PSG7: variants seen among roughly 807,000 people sequenced by gnomAD.
PSG7 encodes the protein pregnancy specific beta-1-glycoprotein 7, also known as pregnancy-specific beta-1-glycoprotein 7.
PSG7 carries 57 observed loss-of-function variants against 45.6 expected under a neutral mutation model. The ratio of observed to expected loss-of-function variants is 1.25; its 90% CI spans 1.01 to 1.56. The LOEUF is 1.56. PSG7 is among the 40% of genes most tolerant of loss of function. The pLI is 0.00. For synonymous variants in PSG7, 298 were observed against 194.4 expected (o/e 1.53, Z -4.43); for missense variants, 796 against 508.4 (o/e 1.57, Z -5.44).
At position 42,926,622 on chromosome 19, in the gene PSG7, G is replaced by T; in HGVS notation, c.804C>A (p.Asn268Lys). The change falls in exon 4 of 6, where the codon AAC becomes AAA. Residue 268 changes from asparagine to lysine, a missense_variant. Transcript: ENST00000406070. ...STFTCEPKSE[N>K]YTYIWWLNGQ... The stretch of plus-strand genomic sequence containing the variant: ...CATTTAGCCACCAAATGTAGGTGTA[G>T]TTCTCACTCTTAGGTTCACAGGTGA... The T allele has an allele frequency of 6.2e-7, 1 of 1,610,302 alleles. No homozygotes were observed. The highest frequency in any genetic ancestry group is 8.5e-7 in the Non-Finnish European group (1 of 1,179,050).
At chr19:42,924,865 T>C (rs935237925) in intron 5 of PSG7, 41 bp from the exon 6 acceptor site, 8 of 764,342 alleles carry the variant, frequency 1.0e-5, no homozygotes, top group Non-Finnish European at 1.7e-5. Flanking sequence ...TGAACAGAGC[T>C]GCAATCTCAT....
chr19:42,926,137 A>G, intron 4 of PSG7, 110 bp from the exon 5 acceptor site: 1 of 1,504,966 alleles, frequency 6.6e-7, no homozygotes, highest in Non-Finnish European at 9.0e-7. Flanking sequence ...CCCTCAAGTG[A>G]CAGCCAAATC....
intron 2 of PSG7, among the ~76,000 whole-genome samples, chr19:42,932,170 C>T (rs1243514142): frequency 6.6e-6 from 1 of 151,176 alleles, no homozygotes; most frequent in Non-Finnish European, 1.5e-5. Flanking sequence ...ACTACAGGTG[C>T]CCACCACCAC....
Position 42,935,516 on chromosome 19 carries a change from G to A in PSG7, c.318C>T (p.Ser106=). ...CCTGGGTGACATTCTGGATCAGCAG[G>A]GATGCATTGGAATATACTGTTTCTC... ...SGRETVYSNA[S]LLIQNVTQED... Residue 106 remains serine, a synonymous_variant, in exon 2 of 6, where the codon TCC becomes TCT. Coordinates refer to ENST00000406070, the MANE Select transcript of PSG7 (RefSeq NM_002783.3). The A allele has an allele frequency of 1.2e-6, 2 of 1,612,102 alleles. No individual in the cohort carries two copies. Among genetic ancestry groups the A allele is most frequent in the Non-Finnish European group, 1.7e-6 (2 of 1,179,032 alleles).
At chr19:42,925,446 C>A in intron 5 of PSG7, 1 of 613,810 alleles carries the variant, frequency 1.6e-6, no homozygotes. Context: ...GACAAATTTC[C>A]ATAAATCTAG....
Position 42,929,563 on chromosome 19 carries a change from A to T in PSG7, c.588T>A (p.Ser196=). The T allele has an allele frequency of 6.2e-7, 1 of 1,612,632 alleles. No individual in the cohort carries two copies. Reference sequence around the variant, plus strand: ...ATAGGTAGAGGGTCCTGTTGGTTTCAGACAGCTGCAAGCTGTGAGTCATAG... The same window carrying T: ...ATAGGTAGAGGGTCCTGTTGGTTTCTGACAGCTGCAAGCTGTGAGTCATAG... The part of the protein sequence containing the change: ...SLPMTHSLQL[S]ETNRTLYLFG... The change falls in exon 3 of 6, where the codon TCT becomes TCA. Residue 196 remains serine, a synonymous_variant. Transcript: ENST00000406070.
In PSG7 at chr19:42,937,094, T is replaced by C. The variant is rs747508663; in HGVS notation, c.-18A>G. On this transcript the variant is annotated 5_prime_UTR_variant, in exon 1 of 6. Transcript: ENST00000406070. ...GGCCCCATGGTCTCTGCTCCCTGCG[T>C]GTTCTCCTCTGTGGAGATGAGCCTA... 3 of 1,609,112 alleles carry C rather than the reference T, an allele frequency of 1.9e-6. 1 individual carries two copies. The highest frequency in any genetic ancestry group is 2.5e-6 in the Non-Finnish European group (3 of 1,176,940).
intron 3 of PSG7, among the ~76,000 whole-genome samples, chr19:42,928,048 AGGT>A (rs1972934092): frequency 1.3e-5 from 2 of 151,536 alleles, no homozygotes; most frequent in Admixed American, 6.6e-5. Context: ...CATAAGTGGG[AGGT>A]GATAAGCCAA....
At chr19:42,925,544 C>A (rs191126445) in intron 5 of PSG7, 6 of 1,124,832 alleles carry the variant, frequency 5.3e-6, no homozygotes, top group Non-Finnish European at 7.3e-6. Flanking sequence ...TCAATGAAAT[C>A]AATGTTTTTC....
intron 2 of PSG7, among the ~76,000 whole-genome samples, chr19:42,933,358 G>C (rs183757047): frequency 8.6e-6 from 1 of 116,176 alleles, no homozygotes; most frequent in East Asian, 2.7e-4. Flanking sequence ...AGAAGAACTT[G>C]TCTGGCAATT....
At chr19:42,928,415 A>T (rs979211630) in intron 3 of PSG7, among the ~76,000 whole-genome samples, 1 of 151,630 alleles carries the variant, frequency 6.6e-6, no homozygotes, top group Non-Finnish European at 1.5e-5. Context: ...CAATCCATGA[A>T]AATGAAATGT....
At position 42,924,551 on chromosome 19, in the gene PSG7, T is replaced by G. The variant is rs1972484599; in HGVS notation, c.*257A>C. The G allele has an allele frequency of 1.7e-6, 1 of 602,474 alleles. No individual in the cohort carries two copies. The highest frequency in any genetic ancestry group is 2.7e-5 in the East Asian group (1 of 36,484). 37.3% of individuals were successfully genotyped at this position (602,474 alleles called of 1,614,324 possible). A position where few individuals can be genotyped will look rare whatever the true frequency, so the allele number is the denominator to read the frequency against. ...GAGAGCCTCATCATGATGGGGAGTC[T>G]TATTCTGACATCTTGGGAAAAGCTG... On this transcript the variant is annotated 3_prime_UTR_variant, in exon 6 of 6. Transcript: ENST00000406070.
chr19:42,924,856 G>T, intron 5 of PSG7, 32 bp from the exon 6 acceptor site: 1 of 764,092 alleles, frequency 1.3e-6, no homozygotes, highest in Non-Finnish European at 2.4e-6. Context: ...CAGAAACAAT[G>T]AACAGAGCTG....
intron 1 of PSG7, chr19:42,936,018 CT>C: frequency 1.4e-6 from 1 of 710,838 alleles, no homozygotes; most frequent in South Asian, 2.9e-5. Flanking sequence ...TTCAACACTC[CT>C]GACTTTGGCA....
At chr19:42,934,840 G>A (rs1384994568) in intron 2 of PSG7, among the ~76,000 whole-genome samples, 1 of 151,676 alleles carries the variant, frequency 6.6e-6, no homozygotes, top group Non-Finnish European at 1.5e-5. Flanking sequence ...CTCTGTCCTT[G>A]CCCAGATGAG....
At chr19:42,931,421 G>T (rs569199103) in intron 2 of PSG7, among the ~76,000 whole-genome samples, 50 of 151,650 alleles carry the variant, frequency 3.3e-4, no homozygotes, top group Admixed American at 1.5e-3. Flanking sequence ...ATTACATAAA[G>T]AGAGGAAGGA....
rs564932849 is a variant in PSG7 at position 42,926,770 on chromosome 19, C to T, written c.710-54G>A. On this transcript the variant is annotated intron_variant, in intron 3 of 5. Coordinates refer to ENST00000406070, the MANE Select transcript of PSG7 (RefSeq NM_002783.3). ...CTGTGTGGCACCTTTGATTCCTCCA[C>T]AGGCATCCTTCAATTAGAGTTGGCA... is the stretch of plus-strand genomic sequence containing the variant. 1,198 of 1,595,750 alleles carry T rather than the reference C, an allele frequency of 7.5e-4. 76 individuals are homozygous for T. In the South Asian group the frequency reaches 0.013, roughly 17 times the overall value.
intron 1 of PSG7, 65 bp downstream of exon 1, chr19:42,936,948 T>A (rs368108922): frequency 1.2e-5 from 19 of 1,594,958 alleles, no homozygotes; most frequent in Non-Finnish European, 1.5e-5. Flanking sequence ...CCATCCTCTC[T>A]AGGAGACCCC....
In PSG7 at chr19:42,937,198, G is replaced by C. The variant is rs918477493; in HGVS notation, c.-122C>G. ...TGCACTGAGCCTCTTCCCGGGGCAG[G>C]AGCACTTCTCAAGCTCATGGGTGGG... On this transcript the variant is annotated 5_prime_UTR_variant, in exon 1 of 6. Coordinates refer to ENST00000406070, the MANE Select transcript of PSG7 (RefSeq NM_002783.3). 30 of 1,413,942 alleles carry C rather than the reference G, an allele frequency of 2.1e-5. 1 individual carries two copies. Among genetic ancestry groups the C allele is most frequent in the South Asian group, 2.1e-4 (15 of 72,424 alleles). 87.6% of individuals were successfully genotyped at this position (1,413,942 alleles called of 1,614,324 possible). A position where few individuals can be genotyped will look rare whatever the true frequency, so the allele number is the denominator to read the frequency against.
Sources: allele counts gnomAD v4.1 joint callset (sites outside exome capture counted in the v4.1 genomes callset), GRCh38; gene constraint gnomAD v4.1.1; transcripts MANE v1.5; gene names NCBI Gene and HGNC (gene_info 2026-07-23, HGNC 2026-07-21).